Variants in KCNH8 observed in about 807,000 individuals in gnomAD.
KCNH8 encodes the protein potassium voltage-gated channel subfamily H member 8, also known as voltage-gated delayed rectifier potassium channel KCNH8.
KCNH8 carries 70 observed loss-of-function variants against 103.6 expected under a neutral mutation model. The ratio of observed to expected loss-of-function variants is 0.68; its 90% CI spans 0.56 to 0.82. The LOEUF (loss-of-function observed/expected upper bound fraction) is 0.82, where lower values mean the gene tolerates loss of function less well. Among genes scored for constraint, KCNH8 ranks in the 40% least tolerant of loss-of-function variants. KCNH8 has a pLI of 0.00. For synonymous variants in KCNH8, 498 were observed against 489.4 expected (o/e 1.02, Z -0.23); for missense variants, 1,217 against 1,329.9 (o/e 0.92, Z 1.32).
chr3:19,469,045 A>G (rs1239074698), intron 11 of KCNH8, among the ~76,000 whole-genome samples: 2 of 152,226 alleles, frequency 1.3e-5, no homozygotes, highest in African/African-American at 2.4e-5. Flanking sequence ...ATAATTTTTT[A>G]AATCATATCT....
chr3:19,283,050 A>C (rs1440865617), intron 3 of KCNH8, among the ~76,000 whole-genome samples: 1 of 152,152 alleles, frequency 6.6e-6, no homozygotes, highest in Non-Finnish European at 1.5e-5. Context: ...CTCCCTAAAG[A>C]GAGAGAAGAC....
At chr3:19,255,086 G>A (rs2064330065) in intron 2 of KCNH8, among the ~76,000 whole-genome samples, 1 of 152,068 alleles carries the variant, frequency 6.6e-6, no homozygotes, top group Non-Finnish European at 1.5e-5. Context: ...TATGACTAGA[G>A]TCCTTATAGG....
chr3:19,471,400 T>C, intron 11 of KCNH8, among the ~76,000 whole-genome samples: 1 of 152,164 alleles, frequency 6.6e-6, no homozygotes, highest in East Asian at 1.9e-4. Flanking sequence ...GTCCATTCCA[T>C]GCTACATTCT....
At chr3:19,509,272 T>G (rs2068745058) in intron 11 of KCNH8, among the ~76,000 whole-genome samples, 1 of 152,116 alleles carries the variant, frequency 6.6e-6, no homozygotes. Context: ...TGTATAAATA[T>G]AACAGATCTA....
chr3:19,472,088 A>G (rs2067870537), intron 11 of KCNH8, among the ~76,000 whole-genome samples: 1 of 152,140 alleles, frequency 6.6e-6, no homozygotes, highest in African/African-American at 2.4e-5. Context: ...GATTTCCTTG[A>G]GAACAGTTAC....
At chr3:19,290,248 G>A (rs1269803279) in intron 3 of KCNH8, among the ~76,000 whole-genome samples, 1 of 152,090 alleles carries the variant, frequency 6.6e-6, no homozygotes, top group African/African-American at 2.4e-5. Context: ...TCCTTCTCCT[G>A]CCTAATTGCC....
chr3:19,176,646 T>C (rs993523903), intron 1 of KCNH8, among the ~76,000 whole-genome samples: 8 of 152,166 alleles, frequency 5.3e-5, no homozygotes, highest in African/African-American at 1.9e-4. Context: ...CATGCAGTGT[T>C]ATATAGTTGA....
At chr3:19,222,261 C>G (rs1302979564) in intron 1 of KCNH8, among the ~76,000 whole-genome samples, 1 of 152,150 alleles carries the variant, frequency 6.6e-6, no homozygotes, top group East Asian at 1.9e-4. Context: ...CTACATGGGG[C>G]TATGCCCTTC....
chr3:19,170,968 C>A (rs999843831), intron 1 of KCNH8, among the ~76,000 whole-genome samples: 4 of 151,752 alleles, frequency 2.6e-5, no homozygotes, highest in African/African-American at 9.7e-5. Context: ...TCCGCCACTG[C>A]GCCCGGCTAA....
chr3:19,333,889 T>G (rs547352034), intron 3 of KCNH8, among the ~76,000 whole-genome samples: 1 of 152,280 alleles, frequency 6.6e-6, no homozygotes, highest in East Asian at 1.9e-4. Context: ...CAGCAAGTAG[T>G]TTTTCTGGGG....
At chr3:19,387,255 C>T (rs1366602869) in intron 5 of KCNH8, among the ~76,000 whole-genome samples, 1 of 152,102 alleles carries the variant, frequency 6.6e-6, no homozygotes, top group Admixed American at 6.6e-5. Flanking sequence ...GGACTACAAT[C>T]AGAAATGCAT....
chr3:19,298,389 T>C (rs2065021763), intron 3 of KCNH8, among the ~76,000 whole-genome samples: 1 of 152,214 alleles, frequency 6.6e-6, no homozygotes, highest in South Asian at 2.1e-4. Flanking sequence ...TCAAGCCTCC[T>C]CTTGTGGGGT....
intron 1 of KCNH8, among the ~76,000 whole-genome samples, chr3:19,189,845 A>C (rs1385143786): frequency 6.6e-6 from 1 of 152,042 alleles, no homozygotes; most frequent in Non-Finnish European, 1.5e-5. Context: ...AGTTGCTGAG[A>C]TTTTATATTT....
In KCNH8 at chr3:19,487,443, G is replaced by A. The variant is rs546349073; in HGVS notation, c.2041-22920G>A. 3.3e-5 allele frequency among the ~76,000 whole-genome samples: 5 copies of A among 152,258 alleles called. No individual in the cohort carries two copies. In the East Asian group the frequency reaches 5.8e-4, roughly 18 times the overall value. On this transcript the variant is annotated intron_variant, in intron 11 of 15. Coordinates refer to ENST00000328405, the MANE Select transcript of KCNH8 (RefSeq NM_144633.3). ...AGGAGGTAGGTGTTCTATGGAGACT[G>A]GCAAGGAACTATAGTTCTAAATTAT...
intron 2 of KCNH8, among the ~76,000 whole-genome samples, chr3:19,273,781 C>T (rs1440050942): frequency 6.6e-6 from 1 of 152,128 alleles, no homozygotes; most frequent in Non-Finnish European, 1.5e-5. Context: ...GCAGCAGCAC[C>T]AGTGGTGTTT....
chr3:19,488,362 C>T (rs1337253202), intron 11 of KCNH8, among the ~76,000 whole-genome samples: 2 of 152,196 alleles, frequency 1.3e-5, no homozygotes, highest in Non-Finnish European at 2.9e-5. Flanking sequence ...TTCTCAGCGG[C>T]TTGTTGCATC....
At chr3:19,531,881 T>G (rs770818808) in intron 15 of KCNH8, among the ~76,000 whole-genome samples, 10 of 152,216 alleles carry the variant, frequency 6.6e-5, no homozygotes, top group Non-Finnish European at 1.3e-4. Flanking sequence ...CTGCTTCTAT[T>G]AGCATTTTGT....
chr3:19,533,675 G>A lies in KCNH8; in HGVS notation c.2900G>A (p.Gly967Glu). Residue 967 changes from glycine to glutamate, a missense_variant, in exon 16 of 16, where the codon GGG becomes GAG. By Grantham distance (98) the Gly-to-Glu change is moderately conservative. Around this residue, in one of 3 missense-constraint regions of KCNH8, gnomAD observed 558 missense variants for 495.8 expected, o/e 1.13. Coordinates refer to ENST00000328405, the MANE Select transcript of KCNH8 (RefSeq NM_144633.3). ...TGGAGTGTGGATCCCTCCTCTGTGG[G>A]GAGCAGCCCCCAACGAACTGGAGCT... is the stretch of plus-strand genomic sequence containing the variant. ...DIWSVDPSSV[G>E]SSPQRTGAHE... is the part of the protein sequence containing the mutation. 1.2e-6 allele frequency: 2 copies of A among 1,614,100 alleles called. No individual in the cohort carries two copies.
chr3:19,440,176 A>G (rs948965302), intron 8 of KCNH8, among the ~76,000 whole-genome samples: 3 of 152,226 alleles, frequency 2.0e-5, no homozygotes, highest in African/African-American at 4.8e-5. Flanking sequence ...ACTTTTCACT[A>G]TATAGCATTT....
Sources: allele counts gnomAD v4.1 joint callset (sites outside exome capture counted in the v4.1 genomes callset), GRCh38; gene constraint gnomAD v4.1.1; regional missense constraint gnomAD v4.1.1; transcripts MANE v1.5; gene names NCBI Gene and HGNC (gene_info 2026-07-23, HGNC 2026-07-21).